The following CNDP1 variants were observed in gnomAD, a reference collection of about 807,000 sequenced individuals.
CNDP1 encodes beta-Ala-His dipeptidase.
In CNDP1, 44 loss-of-function variants were observed where a neutral mutation model predicts 58.1. The ratio of observed to expected loss-of-function variants is 0.76; its 90% CI spans 0.60 to 0.97. The LOEUF (loss-of-function observed/expected upper bound fraction) is 0.97. Among genes scored for constraint, CNDP1 ranks in the 50% least tolerant of loss-of-function variants. The pLI, the probability that CNDP1 is intolerant of heterozygous loss-of-function variation, is 0.00. For missense variants in CNDP1, 616 were observed against 655.1 expected (o/e 0.94, Z 0.65); for synonymous variants, 254 against 252.6 (o/e 1.01, Z -0.05).
At chr18:74,576,231 T>C (rs1981634262) in intron 7 of CNDP1, 1 of 150,718 alleles carries the variant, frequency 6.6e-6, no homozygotes, top group South Asian at 2.1e-4. Context: ...AGTGATGTGA[T>C]CATGACTTAC....
Position 74,545,386 on chromosome 18 carries a change from C to T in CNDP1, c.24+10695C>T, listed in dbSNP as rs997404676. Among the ~76,000 whole-genome samples the T allele has an allele frequency of 1.3e-5, 2 of 152,224 alleles. No homozygotes were observed. Among genetic ancestry groups the T allele is most frequent in the Non-Finnish European group, 2.9e-5 (2 of 68,050 alleles). ...TCACAGGCACCAAGGACGCCTAAAG[C>T]CTGGCACTTTGAAGTCAAAGTAATT... On this transcript the variant is annotated intron_variant, in intron 1 of 11. Transcript: ENST00000358821. The surrounding 1 kb of genome is among the most constrained non-coding windows in gnomAD (Gnocchi z 4.1).
intron 6 of CNDP1, 100 bp downstream of exon 6, chr18:74,567,533 C>A: frequency 1.8e-6 from 2 of 1,098,878 alleles, no homozygotes; most frequent in Admixed American, 1.9e-5. Context: ...GAAAGCTTTC[C>A]TGAGGGCAGA....
intron 7 of CNDP1, among the ~76,000 whole-genome samples, chr18:74,572,269 C>T (rs1261734550): frequency 6.6e-6 from 1 of 152,080 alleles, no homozygotes; most frequent in Middle Eastern, 3.2e-3. Flanking sequence ...TACAGCTCTT[C>T]TAGGCATCAG....
chr18:74,566,321 T>G (rs1371335123), intron 5 of CNDP1, among the ~76,000 whole-genome samples: 1 of 152,246 alleles, frequency 6.6e-6, no homozygotes, highest in Non-Finnish European at 1.5e-5. Context: ...TTATGCAAAT[T>G]TCTGCAGCTG....
rs549037014 is a variant in CNDP1, at chr18:74,581,742, CT to C, written c.1309+1476del. 5.9e-5 allele frequency among the ~76,000 whole-genome samples: 9 copies of C among 152,312 alleles called. No individual in the cohort carries two copies. In the East Asian group the frequency reaches 1.7e-3, roughly 29 times the overall value. Reference sequence around the variant, plus strand: ...GCGTCAGGGAGCAGGGACACCCAGTCTTTTTGGCTTCTGCACCAGGAGGGGG... The same window carrying C: ...GCGTCAGGGAGCAGGGACACCCAGTCTTTTGGCTTCTGCACCAGGAGGGGG... On this transcript the variant is annotated intron_variant, in intron 10 of 11. Coordinates refer to ENST00000358821, the MANE Select transcript of CNDP1 (RefSeq NM_032649.6).
chr18:74,557,405 G>A (rs1213036303), intron 2 of CNDP1, among the ~76,000 whole-genome samples: 1 of 152,142 alleles, frequency 6.6e-6, no homozygotes, highest in Non-Finnish European at 1.5e-5. Flanking sequence ...ACATATACAG[G>A]TTGGGAGTGG....
intron 1 of CNDP1, among the ~76,000 whole-genome samples, chr18:74,538,258 C>G (rs188033618): frequency 2.4e-4 from 36 of 152,332 alleles, no homozygotes; most frequent in Non-Finnish European, 4.7e-4. Flanking sequence ...TTTCCCTATT[C>G]TGGACTTTCA....
At chr18:74,583,955 T>C (rs933141318) in intron 11 of CNDP1, 2 of 477,278 alleles carry the variant, frequency 4.2e-6, no homozygotes, top group Admixed American at 7.0e-5. Context: ...TGGGGTTAGG[T>C]GGTTCTGGTG....
At chr18:74,539,562 C>A (rs997428780) in intron 1 of CNDP1, among the ~76,000 whole-genome samples, 1 of 152,196 alleles carries the variant, frequency 6.6e-6, no homozygotes, top group South Asian at 2.1e-4. Context: ...AGGATTCCTC[C>A]GACCAAACTC....
intron 1 of CNDP1, among the ~76,000 whole-genome samples, chr18:74,537,804 A>AG (rs1428879815): frequency 5.9e-5 from 9 of 152,212 alleles, no homozygotes; most frequent in Non-Finnish European, 2.9e-5. Flanking sequence ...GGAATGAACC[A>AG]GGTCATATAT....
At chr18:74,537,351 A>G (rs986287274) in intron 1 of CNDP1, among the ~76,000 whole-genome samples, 11 of 152,212 alleles carry the variant, frequency 7.2e-5, no homozygotes, top group Admixed American at 5.9e-4. Context: ...TCTTCTGCAT[A>G]TGGCTAATGG....
intron 8 of CNDP1, 178 bp downstream of exon 8, chr18:74,577,207 G>T: frequency 2.0e-6 from 1 of 506,298 alleles, no homozygotes; most frequent in Non-Finnish European, 3.3e-6. Context: ...GGATCAACCA[G>T]TCCTTTTTCA....
At chr18:74,569,294 G>T (rs1328697264) in intron 6 of CNDP1, among the ~76,000 whole-genome samples, 1 of 152,206 alleles carries the variant, frequency 6.6e-6, no homozygotes. Context: ...AGAAAGACCA[G>T]CTGGGCAGGA....
At chr18:74,559,717 C>G (rs1981138801) in intron 3 of CNDP1, among the ~76,000 whole-genome samples, 1 of 152,148 alleles carries the variant, frequency 6.6e-6, no homozygotes, top group African/African-American at 2.4e-5. Flanking sequence ...GTGAAGGTCA[C>G]CTTATCATGG....
intron 2 of CNDP1, among the ~76,000 whole-genome samples, chr18:74,558,303 G>C (rs1262388590): frequency 2.6e-5 from 4 of 152,098 alleles, no homozygotes; most frequent in Non-Finnish European, 4.4e-5. Context: ...AGCGCTGCTG[G>C]AGTGGCTGCC....
intron 6 of CNDP1, among the ~76,000 whole-genome samples, chr18:74,569,476 C>T (rs1389150425): frequency 1.3e-5 from 2 of 152,104 alleles, no homozygotes; most frequent in Non-Finnish European, 2.9e-5. Context: ...GAAGCATGCT[C>T]AAGTGGAAGG....
rs926843047 is a variant in CNDP1, at chr18:74,534,550, C to A, written c.-118C>A. On this transcript the variant is annotated 5_prime_UTR_variant, in exon 1 of 12. Transcript: ENST00000358821. ...GCCTCGTCTTCCTTCCGGGGGACAACGTGGGTCAGGGCACAGAGAGATATT... is the reference window on the plus strand; with the variant it reads ...GCCTCGTCTTCCTTCCGGGGGACAAAGTGGGTCAGGGCACAGAGAGATATT... 9.5e-7 allele frequency: 1 copy of A among 1,051,350 alleles called. No homozygotes were observed. Among genetic ancestry groups the A allele is most frequent in the South Asian group, 1.4e-5 (1 of 73,898 alleles). The allele number at this position is 1,051,350 out of a possible 1,614,324, so 65.1% of individuals were successfully genotyped here.
At chr18:74,552,402 C>T (rs1980933850) in intron 1 of CNDP1, among the ~76,000 whole-genome samples, 1 of 152,126 alleles carries the variant, frequency 6.6e-6, no homozygotes, top group Non-Finnish European at 1.5e-5. Flanking sequence ...ATTTTCATCA[C>T]CCCAAATTCA....
chr18:74,534,685 G>C lies in CNDP1; in HGVS notation c.18G>C (p.Gly6=), dbSNP rs1405803687. ...CCAGCCTAATGGATCCCAAACTCGG[G>C]AGAATGGTGAGTAGGACCTCCTCCA... MDPKL[G]RMAASLLAVL... Residue 6 remains glycine (G), a synonymous_variant, in exon 1 of 12, where the codon GGG becomes GGC. Transcript: ENST00000358821. The C allele has an allele frequency of 6.2e-7, 1 of 1,614,018 alleles. No individual in the cohort carries two copies. Among genetic ancestry groups the C allele is most frequent in the African/African-American group, 1.3e-5 (1 of 74,914 alleles).
Sources: allele counts gnomAD v4.1 joint callset (sites outside exome capture counted in the v4.1 genomes callset), GRCh38; gene constraint gnomAD v4.1.1; non-coding constraint Gnocchi (gnomAD v3.1); transcripts MANE v1.5; gene names NCBI Gene and HGNC (gene_info 2026-07-23, HGNC 2026-07-21).